Variants in RIN2 observed in about 807,000 individuals in gnomAD.
RIN2 encodes the protein RAB5 interacting protein 2.
A neutral mutation model predicts 78.0 loss-of-function variants in RIN2; 36 were observed. The observed-to-expected ratio is 0.46, with a 90% confidence interval of 0.35 to 0.61. The LOEUF is 0.61. Ranked by LOEUF, RIN2 falls within the 20% of genes least tolerant of loss-of-function variation. RIN2 has a pLI of 0.00. For synonymous variants in RIN2, 466 were observed against 466.8 expected (o/e 1.00, Z 0.02); for missense variants, 1,087 against 1,159.7 (o/e 0.94, Z 0.91).
intron 2 of RIN2, among the ~76,000 whole-genome samples, chr20:19,882,574 A>G (rs1318578386): frequency 6.6e-6 from 1 of 152,198 alleles, no homozygotes; most frequent in Non-Finnish European, 1.5e-5. Flanking sequence ...ACCCTGAGGA[A>G]GTCCCAGTGT....
rs1298963162 is a variant in RIN2, at chr20:19,974,946, C to G, written c.921C>G (p.Pro307=). Residue 307 remains proline, a synonymous_variant, in exon 9 of 13, where the codon CCC becomes CCG. Coordinates refer to ENST00000255006, the MANE Select transcript of RIN2 (RefSeq NM_018993.4). The part of the protein sequence containing the change: ...NANGTERTRS[P]PPRPPPPAIN... ...ATGGCACGGAGCGGACTCGGTCCCC[C>G]CCACCCAGGCCCCCGCCACCCGCTA... The G allele has an allele frequency of 3.1e-6, 5 of 1,613,002 alleles. No individual in the cohort carries two copies. The African/African-American group carries it at 5.3e-5, about 17-fold the overall frequency.
At chr20:19,844,633 CTTCTTCTTCTTCTTCTTCTTCTT>C (rs2036694637) in intron 2 of RIN2, among the ~76,000 whole-genome samples, 2 of 130,908 alleles carry the variant, frequency 1.5e-5, no homozygotes, top group African/African-American at 3.6e-5. Context: ...TCTTCTTCTT[CTTCTTCTTCTTCTTCTTCTTCTT>C]CTTCTTCTTC....
At chr20:19,920,330 T>C (rs1473223394) in intron 3 of RIN2, among the ~76,000 whole-genome samples, 1 of 151,482 alleles carries the variant, frequency 6.6e-6, no homozygotes, top group African/African-American at 2.4e-5. Flanking sequence ...CTTCATCCCT[T>C]GTGGTACTTC....
chr20:19,771,543 C>T (rs147200643), intron 1 of RIN2, among the ~76,000 whole-genome samples: 33 of 152,320 alleles, frequency 2.2e-4, no homozygotes, highest in African/African-American at 6.3e-4. Flanking sequence ...AGGAAGACCA[C>T]GGCATCCTTA....
At position 19,851,796 on chromosome 20, in the gene RIN2, G is replaced by A. The variant is rs115595561; in HGVS notation, c.-36-37770G>A. ...GCACTGTGACAGCTGCCATGAGACC[G>A]GCTGAAAAGAGGTATTAGTTAGCTA... On this transcript the variant is annotated intron_variant, in intron 2 of 12. Transcript: ENST00000255006. 2.2e-3 allele frequency among the ~76,000 whole-genome samples: 328 copies of A among 152,240 alleles called. 1 individual carries two copies. The highest frequency in any genetic ancestry group is 7.7e-3 in the African/African-American group (318 of 41,536).
intron 2 of RIN2, among the ~76,000 whole-genome samples, chr20:19,813,881 G>A (rs756489366): frequency 6.6e-6 from 1 of 152,092 alleles, no homozygotes; most frequent in Non-Finnish European, 1.5e-5. Flanking sequence ...CTGGGGTGTG[G>A]TTTCAACATA....
chr20:19,900,935 A>T (rs2038950764), intron 3 of RIN2, among the ~76,000 whole-genome samples: 1 of 131,612 alleles, frequency 7.6e-6, no homozygotes, highest in South Asian at 2.8e-4. Flanking sequence ...GGGCAACAAG[A>T]GCTCTGTCTC....
At chr20:19,823,390 T>C (rs2035987179) in intron 2 of RIN2, 2 of 614,788 alleles carry the variant, frequency 3.3e-6, no homozygotes, top group Admixed American at 2.8e-5. Flanking sequence ...TCTGCCTGCT[T>C]TTTTTTTTTT....
chr20:19,954,696 CTGTGCCCCT>C (rs747310872), intron 4 of RIN2, among the ~76,000 whole-genome samples: 2 of 118,024 alleles, frequency 1.7e-5, no homozygotes, highest in East Asian at 4.5e-4. Flanking sequence ...ACAAACTGCC[CTGTGCCCCT>C]CACCCCTGTG....
intron 1 of RIN2, among the ~76,000 whole-genome samples, chr20:19,777,748 G>A (rs568216397): frequency 2.6e-5 from 4 of 152,322 alleles, no homozygotes; most frequent in East Asian, 3.9e-4. Context: ...CATTCCAGAC[G>A]AATTGTGAAA....
intron 5 of RIN2, among the ~76,000 whole-genome samples, chr20:19,957,060 G>C (rs2041574653): frequency 6.6e-6 from 1 of 152,188 alleles, no homozygotes; most frequent in South Asian, 2.1e-4. Flanking sequence ...GAGCATCTGG[G>C]TAGCGAGTAG....
chr20:19,992,596 A>G (rs1313336387), intron 11 of RIN2, among the ~76,000 whole-genome samples: 2 of 152,200 alleles, frequency 1.3e-5, no homozygotes, highest in Non-Finnish European at 2.9e-5. Flanking sequence ...TTCTGATTGC[A>G]AAAGTAATAC....
chr20:19,765,663 G>A (rs2033853696), intron 1 of RIN2, among the ~76,000 whole-genome samples: 1 of 152,122 alleles, frequency 6.6e-6, no homozygotes, highest in African/African-American at 2.4e-5. Flanking sequence ...GTTCTTTGTT[G>A]CTTTCCTTTG....
chr20:19,760,285 T>C (rs1313790338), intron 1 of RIN2, among the ~76,000 whole-genome samples: 1 of 152,166 alleles, frequency 6.6e-6, no homozygotes, highest in Non-Finnish European at 1.5e-5. Context: ...AGACTTGCTC[T>C]CAGTAGTTGG....
intron 1 of RIN2, among the ~76,000 whole-genome samples, chr20:19,780,113 G>T (rs936116450): frequency 6.6e-6 from 1 of 152,178 alleles, no homozygotes; most frequent in Non-Finnish European, 1.5e-5. Context: ...CATTGACTCA[G>T]CTCTTGGTCC....
chr20:19,791,924 A>G (rs1272223961), intron 1 of RIN2, among the ~76,000 whole-genome samples: 1 of 152,192 alleles, frequency 6.6e-6, no homozygotes, highest in Non-Finnish European at 1.5e-5. Flanking sequence ...AGAATTACCC[A>G]TAATTATTAT....
At chr20:19,835,510 A>T (rs1489903720) in intron 2 of RIN2, among the ~76,000 whole-genome samples, 1 of 152,228 alleles carries the variant, frequency 6.6e-6, no homozygotes, top group Non-Finnish European at 1.5e-5. Context: ...ACTGAGTTAT[A>T]AAAGGAGTAA....
intron 9 of RIN2, among the ~76,000 whole-genome samples, chr20:19,977,421 A>G (rs60381469): frequency 0.06 from 9,190 of 152,212 alleles, 902 homozygotes; most frequent in African/African-American, 0.21. Context: ...TGCTAAAATT[A>G]TGTATTTCAC....
At chr20:19,995,797 A>G (rs1306695778) in intron 11 of RIN2, among the ~76,000 whole-genome samples, 1 of 152,130 alleles carries the variant, frequency 6.6e-6, no homozygotes, top group Non-Finnish European at 1.5e-5. Flanking sequence ...GAAAATACTC[A>G]TTGCGTTTTT....
Sources: gnomAD v4.1 joint callset for allele counts (sites outside exome capture counted in the v4.1 genomes callset) on GRCh38, gnomAD v4.1.1 for gene constraint, MANE v1.5 for transcripts, NCBI Gene and HGNC (gene_info 2026-07-23, HGNC 2026-07-21) for gene names.